Variants in HMCN1 observed in about 807,000 individuals in gnomAD.
HMCN1 encodes hemicentin-1.
In HMCN1, 321 loss-of-function variants were observed where a neutral mutation model predicts 625.9. The ratio of observed to expected loss-of-function variants is 0.51; its 90% CI spans 0.47 to 0.56. The LOEUF is 0.56. Ranked by LOEUF, HMCN1 falls within the 20% of genes least tolerant of loss-of-function variation. HMCN1 has a pLI of 0.00. For synonymous variants in HMCN1, 2,425 were observed against 2,417.6 expected (o/e 1.00, Z -0.09); for missense variants, 6,588 against 6,887.3 (o/e 0.96, Z 1.54).
intron 11 of HMCN1, among the ~76,000 whole-genome samples, chr1:185,944,991 G>T (rs1038908599): frequency 6.6e-6 from 1 of 152,042 alleles, no homozygotes; most frequent in African/African-American, 2.4e-5. Context: ...TAAATTAATT[G>T]TCCAACTAAG....
rs973444652 is a variant in HMCN1, at chr1:186,001,715, A to G, written c.4322A>G (p.Gln1441Arg). Residue 1441 changes from glutamine to arginine, a missense_variant, in exon 28 of 107, where the codon CAG (glutamine) becomes CGG (arginine). Coordinates refer to ENST00000271588, the MANE Select transcript of HMCN1 (RefSeq NM_031935.3). ...CKAINIAGTS[Q>R]KYFNIDVLVP... ...GCAATTAATATTGCAGGCACTTCTC[A>G]GAAGTACTTTAACATTGATGTGCTA... 1 of 1,612,166 alleles carries G rather than the reference A, an allele frequency of 6.2e-7. No homozygotes were observed. The highest frequency in any genetic ancestry group is 8.5e-7 in the Non-Finnish European group (1 of 1,178,630).
intron 36 of HMCN1, among the ~76,000 whole-genome samples, chr1:186,030,854 A>C (rs1474440976): frequency 6.6e-6 from 1 of 151,666 alleles, no homozygotes; most frequent in Non-Finnish European, 1.5e-5. Flanking sequence ...AGTTTTCCTC[A>C]GTATTATAAT....
intron 1 of HMCN1, among the ~76,000 whole-genome samples, chr1:185,804,822 C>A (rs61492840): frequency 0.031 from 4,648 of 151,992 alleles, 255 homozygotes; most frequent in African/African-American, 0.11. Context: ...TTCCTAAATC[C>A]CTGCTCTTTA....
intron 1 of HMCN1, among the ~76,000 whole-genome samples, chr1:185,750,094 G>T (rs750509466): frequency 3.9e-5 from 6 of 152,138 alleles, no homozygotes; most frequent in Non-Finnish European, 7.4e-5. Context: ...CTTTAGAGAT[G>T]ATGTGAATTC....
At chr1:185,968,641 C>T (rs1200121347) in intron 14 of HMCN1, among the ~76,000 whole-genome samples, 3 of 151,894 alleles carry the variant, frequency 2.0e-5, no homozygotes, top group Admixed American at 2.0e-4. Flanking sequence ...ATAATGATCT[C>T]TCTGTTAGTC....
intron 35 of HMCN1, among the ~76,000 whole-genome samples, chr1:186,021,285 GA>G (rs1654704779): frequency 6.6e-6 from 1 of 152,188 alleles, no homozygotes; most frequent in African/African-American, 2.4e-5. Flanking sequence ...CATACAGTGA[GA>G]TAAGAGACTG....
chr1:186,119,058 A>G (rs879846760), intron 77 of HMCN1, 133 bp from the exon 78 acceptor site: 7 of 711,228 alleles, frequency 9.8e-6, no homozygotes, highest in Admixed American at 6.1e-5. Context: ...TAGGCACTTC[A>G]GGGGATACAA....
intron 57 of HMCN1, among the ~76,000 whole-genome samples, chr1:186,083,451 C>T (rs892054479): frequency 7.0e-6 from 1 of 142,056 alleles, no homozygotes; most frequent in Non-Finnish European, 1.5e-5. Flanking sequence ...ATTCATTCAT[C>T]AAACTCTTTT....
At chr1:186,024,748 C>T (rs1654951066) in intron 36 of HMCN1, among the ~76,000 whole-genome samples, 1 of 152,148 alleles carries the variant, frequency 6.6e-6, no homozygotes, top group Non-Finnish European at 1.5e-5. Flanking sequence ...TTGCTAACTT[C>T]TACTTCCTGA....
intron 4 of HMCN1, among the ~76,000 whole-genome samples, chr1:185,887,537 T>A (rs553351342): frequency 2.7e-5 from 4 of 150,744 alleles, no homozygotes; most frequent in African/African-American, 9.7e-5. Context: ...AATTCCCACC[T>A]GTGAGTGAGA....
At chr1:185,866,531 A>G (rs1419642307) in intron 4 of HMCN1, among the ~76,000 whole-genome samples, 1 of 150,642 alleles carries the variant, frequency 6.6e-6, no homozygotes, top group Non-Finnish European at 1.5e-5. Flanking sequence ...CAGCCTCCCG[A>G]GTAGCTGGGA....
At chr1:186,078,460 A>G (rs969339852) in intron 55 of HMCN1, among the ~76,000 whole-genome samples, 8 of 152,190 alleles carry the variant, frequency 5.3e-5, no homozygotes, top group Non-Finnish European at 1.2e-4. Flanking sequence ...TCATTGACTT[A>G]TGAATCAGAA....
intron 2 of HMCN1, among the ~76,000 whole-genome samples, chr1:185,847,857 G>A (rs1661922948): frequency 6.6e-6 from 1 of 151,994 alleles, no homozygotes; most frequent in Admixed American, 6.6e-5. Context: ...GAAAGGTGAG[G>A]GTGGAGGATC....
chr1:185,977,460 C>G (rs1651299750), intron 15 of HMCN1, among the ~76,000 whole-genome samples: 1 of 152,052 alleles, frequency 6.6e-6, no homozygotes, highest in South Asian at 2.1e-4. Flanking sequence ...AAAGTTTGAG[C>G]AATTTGACAT....
intron 15 of HMCN1, among the ~76,000 whole-genome samples, chr1:185,971,507 A>G (rs1650829207): frequency 6.6e-6 from 1 of 152,218 alleles, no homozygotes; most frequent in Non-Finnish European, 1.5e-5. Flanking sequence ...TGTGTCACTT[A>G]GAACTTATAA....
chr1:185,857,617 GC>G (rs2102341486), intron 2 of HMCN1, among the ~76,000 whole-genome samples: 2 of 152,190 alleles, frequency 1.3e-5, no homozygotes, highest in East Asian at 3.9e-4. Flanking sequence ...GGGGGAGTTA[GC>G]TTTATACACT....
rs148212702 is a variant in HMCN1 at position 186,189,519 on chromosome 1, C to A, written c.16549C>A (p.Leu5517Ile). 1.9e-6 allele frequency: 3 copies of A among 1,613,022 alleles called. No homozygotes were observed. In the African/African-American group the frequency reaches 4.0e-5, roughly 22 times the overall value. ...YQRDPVSGFC[L>I]KNCPPNDLEC... ...TATGTTTGTTGTCCTTAGGTTCTGC[C>A]TCAAGAACTGTCCACCCAATGATTT... Residue 5517 changes from leucine to isoleucine, a missense_variant, in exon 107 of 107, where the codon CTC (leucine) becomes ATC (isoleucine). Physicochemically the swap from Leu to Ile is conservative, Grantham distance 5. Coordinates refer to ENST00000271588, the MANE Select transcript of HMCN1 (RefSeq NM_031935.3).
chr1:185,865,715 G>C, intron 3 of HMCN1, 26 bp from the exon 4 acceptor site: 7 of 1,532,580 alleles, frequency 4.6e-6, no homozygotes, highest in Non-Finnish European at 6.2e-6. Flanking sequence ...CCTTTACACT[G>C]TTTCTTTTTT....
At chr1:185,875,718 C>T (rs1055958190) in intron 4 of HMCN1, among the ~76,000 whole-genome samples, 24 of 152,040 alleles carry the variant, frequency 1.6e-4, no homozygotes, top group Non-Finnish European at 5.9e-5. Context: ...CTTTACTTCT[C>T]TTATCCCAAA....
Sources: allele counts gnomAD v4.1 joint callset (sites outside exome capture counted in the v4.1 genomes callset), GRCh38; gene constraint gnomAD v4.1.1; transcripts MANE v1.5; gene names NCBI Gene and HGNC (gene_info 2026-07-23, HGNC 2026-07-21).